Variants in TESK2 observed in about 807,000 individuals in gnomAD.
TESK2 encodes the protein testis associated actin remodelling kinase 2, also known as dual specificity testis-specific protein kinase 2.
In TESK2, 39 loss-of-function variants were observed where a neutral mutation model predicts 57.1. The ratio of observed to expected loss-of-function variants is 0.68; its 90% CI spans 0.53 to 0.89. The LOEUF (loss-of-function observed/expected upper bound fraction) is 0.89, where lower values mean the gene tolerates loss of function less well. Among genes scored for constraint, TESK2 ranks in the 40% least tolerant of loss-of-function variants. The pLI, the probability that TESK2 is intolerant of heterozygous loss-of-function variation, is 0.00. For synonymous variants in TESK2, 249 were observed against 267.9 expected (o/e 0.93, Z 0.69); for missense variants, 646 against 732.1 (o/e 0.88, Z 1.36).
intron 4 of TESK2, among the ~76,000 whole-genome samples, chr1:45,378,200 A>T (rs1648517284): frequency 6.6e-6 from 1 of 152,214 alleles, no homozygotes; most frequent in Non-Finnish European, 1.5e-5. Flanking sequence ...ACAGCATGGG[A>T]TAACAGATTT....
At chr1:45,434,176 T>A (rs1651092501) in intron 2 of TESK2, among the ~76,000 whole-genome samples, 1 of 152,154 alleles carries the variant, frequency 6.6e-6, no homozygotes. Context: ...GTATTTTTGG[T>A]AGAGACGAGG....
chr1:45,350,235 G>A (rs994938935), intron 5 of TESK2, among the ~76,000 whole-genome samples: 1 of 151,844 alleles, frequency 6.6e-6, no homozygotes, highest in Non-Finnish European at 1.5e-5. Flanking sequence ...AGACTCAAAA[G>A]GGTGGCCATG....
intron 4 of TESK2, among the ~76,000 whole-genome samples, chr1:45,369,159 G>A (rs1394374248): frequency 6.6e-6 from 1 of 152,152 alleles, no homozygotes; most frequent in Non-Finnish European, 1.5e-5. Flanking sequence ...TTCTACCCTA[G>A]GAGTGTACAT....
intron 4 of TESK2, among the ~76,000 whole-genome samples, chr1:45,379,348 G>A (rs536653189): frequency 3.0e-4 from 46 of 152,228 alleles, no homozygotes; most frequent in African/African-American, 1.0e-3. Context: ...TTTTTTTGTA[G>A]AGATAAGGTC....
chr1:45,408,513 A>G (rs949270250), intron 3 of TESK2, among the ~76,000 whole-genome samples: 1 of 152,188 alleles, frequency 6.6e-6, no homozygotes, highest in African/African-American at 2.4e-5. Context: ...GCCCGGCACA[A>G]TGGGTTAGTC....
At chr1:45,486,640 A>C (rs1452783516) in intron 1 of TESK2, among the ~76,000 whole-genome samples, 1 of 150,856 alleles carries the variant, frequency 6.6e-6, no homozygotes, top group Admixed American at 6.6e-5. Context: ...TTGCCACTGC[A>C]CTCCAGCCTG....
At chr1:45,476,671 C>A (rs1204142426) in intron 1 of TESK2, among the ~76,000 whole-genome samples, 3 of 151,018 alleles carry the variant, frequency 2.0e-5, no homozygotes, top group Non-Finnish European at 4.4e-5. Context: ...CACGGTGAAA[C>A]CCCATCTCTA....
chr1:45,398,902 A>C, intron 3 of TESK2: 1 of 414,730 alleles, frequency 2.4e-6, no homozygotes, highest in Non-Finnish European at 4.6e-6. Flanking sequence ...CAGAAGATCC[A>C]GTGGAGGAAC....
intron 4 of TESK2, among the ~76,000 whole-genome samples, chr1:45,384,275 G>T (rs1447745942): frequency 6.6e-6 from 1 of 152,032 alleles, no homozygotes; most frequent in African/African-American, 2.4e-5. Context: ...CTTCTCCCCA[G>T]ACTTTCATTC....
chr1:45,486,818 C>T lies in TESK2; in HGVS notation c.-87+4034G>A, dbSNP rs28564804. ...ACACACACACACACACACACACACACATATATACATTTTTTTTTTTTGAGA... is the reference window on the plus strand; with the variant it reads ...ACACACACACACACACACACACACATATATATACATTTTTTTTTTTTGAGA... On this transcript the variant is annotated intron_variant, in intron 1 of 10. Coordinates refer to ENST00000372086, the MANE Select transcript of TESK2 (RefSeq NM_007170.3). Among the ~76,000 whole-genome samples the T allele has an allele frequency of 3.5e-3, 487 of 140,194 alleles. 5 individuals carry two copies. Among genetic ancestry groups the T allele is most frequent in the East Asian group, 0.018 (88 of 4,940 alleles). 92.0% of individuals were successfully genotyped at this position (140,194 alleles called of 152,430 possible).
chr1:45,396,744 C>T (rs1404849082), intron 3 of TESK2, among the ~76,000 whole-genome samples: 3 of 151,630 alleles, frequency 2.0e-5, no homozygotes, highest in Non-Finnish European at 4.4e-5. Flanking sequence ...CTGCCTCGGC[C>T]TCCCAAAGTG....
chr1:45,404,707 C>A (rs1008357040), intron 3 of TESK2, among the ~76,000 whole-genome samples: 4 of 152,066 alleles, frequency 2.6e-5, no homozygotes, highest in East Asian at 3.9e-4. Flanking sequence ...CCACGCCGGG[C>A]TATTTTTGTA....
chr1:45,383,760 T>C (rs1303800391), intron 4 of TESK2, among the ~76,000 whole-genome samples: 1 of 152,156 alleles, frequency 6.6e-6, no homozygotes, highest in East Asian at 1.9e-4. Flanking sequence ...AGAACTCTGG[T>C]AGACAGAAGG....
intron 1 of TESK2, among the ~76,000 whole-genome samples, chr1:45,483,140 G>T (rs1193887914): frequency 6.6e-6 from 1 of 151,366 alleles, no homozygotes; most frequent in African/African-American, 2.4e-5. Flanking sequence ...AATTAGCCGG[G>T]CATGGTAGCG....
In TESK2 at chr1:45,450,018, T is replaced by C. The variant is rs770187350; in HGVS notation, c.222+7546A>G. The stretch of plus-strand genomic sequence containing the variant: ...GAAATATATATGCTAATTTAGTGTA[T>C]GATAGAGATATTTTCTTAAACTAGT... On this transcript the variant is annotated intron_variant, in intron 2 of 10. Coordinates refer to ENST00000372086, the MANE Select transcript of TESK2 (RefSeq NM_007170.3). Among the ~76,000 whole-genome samples, 56 of 152,248 alleles carry C rather than the reference T, an allele frequency of 3.7e-4. 1 individual carries two copies. In the Middle Eastern group the frequency reaches 0.034, roughly 92 times the overall value.
At position 45,345,327 on chromosome 1, in the gene TESK2, C is replaced by T. The variant is rs1457108206; in HGVS notation, c.1229G>A (p.Gly410Glu). The T allele has an allele frequency of 6.2e-7, 1 of 1,614,086 alleles. No homozygotes were observed. Residue 410 changes from glycine (G) to glutamate (E), a missense_variant, in exon 11 of 11, where the codon GGG becomes GAG. Transcript: ENST00000372086. Reference protein sequence around the residue: ...NPFSARQDLMGGKIKFFDLPS... With the variant: ...NPFSARQDLMEGKIKFFDLPS... ...CAGGTCAAAAAACTTGATCTTGCCC[C>T]CCATGAGGTCCTGGCGAGCACTAAA...
At chr1:45,371,842 T>G (rs1445860197) in intron 4 of TESK2, among the ~76,000 whole-genome samples, 1 of 152,148 alleles carries the variant, frequency 6.6e-6, no homozygotes, top group Non-Finnish European at 1.5e-5. Flanking sequence ...CACTCCAGCC[T>G]GGGTGACAGC....
intron 3 of TESK2, among the ~76,000 whole-genome samples, chr1:45,389,997 T>A (rs1557553887): frequency 6.6e-6 from 1 of 152,212 alleles, no homozygotes; most frequent in Non-Finnish European, 1.5e-5. Flanking sequence ...CAGAATAACA[T>A]TAAAACTTCC....
At position 45,451,779 on chromosome 1, in the gene TESK2, A is replaced by G. The variant is rs564968743; in HGVS notation, c.222+5785T>C. On this transcript the variant is annotated intron_variant, in intron 2 of 10. Coordinates refer to ENST00000372086, the MANE Select transcript of TESK2 (RefSeq NM_007170.3). Reference sequence around the variant, plus strand: ...CTGGGAGTGGTGGCTCACACCTGTAATCTCAACACTTTGGGAGGCCGAGGC... The same window carrying G: ...CTGGGAGTGGTGGCTCACACCTGTAGTCTCAACACTTTGGGAGGCCGAGGC... 9.2e-5 allele frequency among the ~76,000 whole-genome samples: 14 copies of G among 152,182 alleles called. 1 individual carries two copies. In the South Asian group the frequency reaches 2.9e-3, roughly 32 times the overall value.
Sources: allele counts gnomAD v4.1 joint callset (sites outside exome capture counted in the v4.1 genomes callset), GRCh38; gene constraint gnomAD v4.1.1; transcripts MANE v1.5; gene names NCBI Gene and HGNC (gene_info 2026-07-23, HGNC 2026-07-21).